Variants in PADI4 observed in about 807,000 individuals in gnomAD.
The protein encoded by PADI4 is peptidyl arginine deiminase 4, also known as protein-arginine deiminase type-4.
PADI4 carries 62 observed loss-of-function variants against 75.0 expected under a neutral mutation model. That is an observed-to-expected ratio of 0.83 (90% CI 0.67 to 1.02). The LOEUF (loss-of-function observed/expected upper bound fraction) is 1.02. Among genes scored for constraint, PADI4 ranks in the 50% least tolerant of loss-of-function variants. The pLI, the probability that PADI4 is intolerant of heterozygous loss-of-function variation, is 0.00. For synonymous variants in PADI4, 361 were observed against 348.1 expected (o/e 1.04, Z -0.41); for missense variants, 845 against 850.5 (o/e 0.99, Z 0.08).
intron 15 of PADI4, 73 bp from the exon 16 acceptor site, chr1:17,363,449 A>G: frequency 9.9e-7 from 1 of 1,005,652 alleles, no homozygotes; most frequent in South Asian, 1.4e-5. Flanking sequence ...AGGTCAGAGA[A>G]GGGTGGGGCC....
Position 17,356,495 on chromosome 1 carries a change from C to T in PADI4, c.1558+36C>T. 1 of 1,248,272 alleles carries T rather than the reference C, an allele frequency of 8.0e-7. No individual in the cohort carries two copies. The highest frequency in any genetic ancestry group is 1.2e-6 in the Non-Finnish European group (1 of 856,168). 77.3% of individuals were successfully genotyped at this position (1,248,272 alleles called of 1,614,324 possible). A position where few individuals can be genotyped will look rare whatever the true frequency, so the allele number is the denominator to read the frequency against. On this transcript the variant is annotated intron_variant, in intron 13 of 15. Coordinates refer to ENST00000375448, the MANE Select transcript of PADI4 (RefSeq NM_012387.3). The surrounding 1 kb of genome is among the most constrained non-coding windows in gnomAD (Gnocchi z 4.1). Reference sequence around the variant, plus strand: ...CCTGCCTTGTTCTCCTGTCTGTGCACCTTCCTGCTTCCCATAGTCCGCTGT... The same window carrying T: ...CCTGCCTTGTTCTCCTGTCTGTGCATCTTCCTGCTTCCCATAGTCCGCTGT...
intron 1 of PADI4, among the ~76,000 whole-genome samples, chr1:17,330,543 GAGCCCCTAGCA>G (rs67564471): frequency 0.55 from 83,634 of 151,638 alleles, 23,286 homozygotes; most frequent in East Asian, 0.59. Flanking sequence ...AAAGGCCCAA[GAGCCCCTAGCA>G]AGCCACTGGA....
intron 6 of PADI4, 142 bp from the exon 7 acceptor site, chr1:17,341,801 A>C: frequency 1.6e-6 from 1 of 623,716 alleles, no homozygotes; most frequent in Non-Finnish European, 2.8e-6. Context: ...TCCTAAGGGG[A>C]CTGGCCAGAT....
In PADI4 at chr1:17,361,398, T is replaced by C. The variant is rs143435459; in HGVS notation, c.1758+1990T>C. 3.7e-3 allele frequency among the ~76,000 whole-genome samples: 558 copies of C among 152,370 alleles called. 2 individuals carry two copies. Among genetic ancestry groups the C allele is most frequent in the Non-Finnish European group, 5.8e-3 (397 of 68,036 alleles). ...CTGAGGGCTGACTGTGTGCCTTCACTGTTCAAGGTCCCCAGAGGGAGTCTG... is the reference window on the plus strand; with the variant it reads ...CTGAGGGCTGACTGTGTGCCTTCACCGTTCAAGGTCCCCAGAGGGAGTCTG... On this transcript the variant is annotated intron_variant, in intron 15 of 15. Coordinates refer to ENST00000375448, the MANE Select transcript of PADI4 (RefSeq NM_012387.3).
chr1:17,324,530 A>G (rs752921069), intron 1 of PADI4, among the ~76,000 whole-genome samples: 7 of 152,126 alleles, frequency 4.6e-5, no homozygotes, highest in Non-Finnish European at 1.0e-4. Flanking sequence ...ACAGGGTCTC[A>G]CTATGTTGCC....
At chr1:17,361,576 T>C (rs1348293807) in intron 15 of PADI4, among the ~76,000 whole-genome samples, 2 of 152,250 alleles carry the variant, frequency 1.3e-5, no homozygotes, top group Non-Finnish European at 2.9e-5. Flanking sequence ...GTGCATCTAC[T>C]GTGTGCCAGC....
chr1:17,353,817 T>G (rs2074711514), intron 10 of PADI4, among the ~76,000 whole-genome samples: 1 of 152,144 alleles, frequency 6.6e-6, no homozygotes, highest in Admixed American at 6.6e-5. Flanking sequence ...AGGCGGCTAT[T>G]AGAAGCTGAA....
At chr1:17,329,928 A>G (rs577999699) in intron 1 of PADI4, among the ~76,000 whole-genome samples, 1 of 152,220 alleles carries the variant, frequency 6.6e-6, no homozygotes, top group South Asian at 2.1e-4. Context: ...ATTCTGGGAG[A>G]TGTACCTTAT....
intron 1 of PADI4, among the ~76,000 whole-genome samples, chr1:17,312,810 C>T (rs946841542): frequency 6.0e-5 from 9 of 150,758 alleles, no homozygotes; most frequent in African/African-American, 2.2e-4. Flanking sequence ...GATCTTAGGG[C>T]TCACAAGGAA....
At chr1:17,345,947 C>T in intron 8 of PADI4, 81 bp from the exon 9 acceptor site, 3 of 899,870 alleles carry the variant, frequency 3.3e-6, no homozygotes, top group Non-Finnish European at 5.4e-6. Flanking sequence ...ACCCCTGAGC[C>T]ACCTGTGTGT....
In PADI4 at chr1:17,342,014, G is replaced by A. The variant is rs41265995; in HGVS notation, c.724G>A (p.Gly242Ser). The change falls in exon 7 of 16, where the codon GGT becomes AGT. Residue 242 changes from glycine (G) to serine (S), a missense_variant. Coordinates refer to ENST00000375448, the MANE Select transcript of PADI4 (RefSeq NM_012387.3). ...KWPSHYLMVPGGKHNMDFYVE... is the reference protein window; with the variant it reads ...KWPSHYLMVPSGKHNMDFYVE... ...GCCCTCTCACTACCTGATGGTCCCC[G>A]GTGGAAAGCACAACATGGACTTCTA... The A allele has an allele frequency of 0.021, 33,229 of 1,613,816 alleles. 421 individuals carry two copies. Among genetic ancestry groups the A allele is most frequent in the Non-Finnish European group, 0.024 (28,171 of 1,179,770 alleles).
chr1:17,350,775 T>C (rs71512933), intron 10 of PADI4, among the ~76,000 whole-genome samples: 7,267 of 130,212 alleles, frequency 0.056, 1,356 homozygotes, highest in African/African-American at 0.1. Flanking sequence ...ACTTGAGATA[T>C]GACAGGGAGC....
chr1:17,333,458 G>A (rs1418534128), intron 2 of PADI4, among the ~76,000 whole-genome samples: 1 of 152,024 alleles, frequency 6.6e-6, no homozygotes, highest in Non-Finnish European at 1.5e-5. Context: ...GTGGATTGGT[G>A]TTTTCTCATC....
intron 1 of PADI4, among the ~76,000 whole-genome samples, chr1:17,309,481 A>T (rs1395578218): frequency 3.3e-5 from 5 of 151,874 alleles, no homozygotes; most frequent in Non-Finnish European, 5.9e-5. Flanking sequence ...CTCTTTGTTC[A>T]GGGCTCAGTC....
chr1:17,347,777 AAGCTCCGCTTCTG>A, intron 9 of PADI4, 151 bp from the exon 10 acceptor site: 1 of 462,218 alleles, frequency 2.2e-6, no homozygotes, highest in Non-Finnish European at 3.9e-6. Context: ...AGGGGGCAAT[AAGCTCCGCTTCTG>A]AGCCCCTTCT....
At chr1:17,344,402 A>G (rs1176110120) in intron 8 of PADI4, among the ~76,000 whole-genome samples, 1 of 152,248 alleles carries the variant, frequency 6.6e-6, no homozygotes, top group East Asian at 1.9e-4. Flanking sequence ...TTCTGAGGAG[A>G]AATTCAAGCC....
intron 8 of PADI4, among the ~76,000 whole-genome samples, chr1:17,344,122 T>G (rs187839772): frequency 6.6e-6 from 1 of 152,308 alleles, no homozygotes; most frequent in East Asian, 1.9e-4. Context: ...CAGATGGAGA[T>G]GAGGAACTTG....
chr1:17,355,071 G>C (rs143866135), intron 11 of PADI4, among the ~76,000 whole-genome samples: 1,792 of 152,334 alleles, frequency 0.012, 22 homozygotes, highest in Middle Eastern at 0.058. Context: ...GGAGGAATAG[G>C]AACTGTTAGG....
At chr1:17,334,150 GA>G in intron 3 of PADI4, 141 bp downstream of exon 3, 1 of 635,700 alleles carries the variant, frequency 1.6e-6, no homozygotes. Context: ...TAGCCAGTCA[GA>G]CATCTGGGAG....
Sources: allele counts gnomAD v4.1 joint callset (sites outside exome capture counted in the v4.1 genomes callset), GRCh38; gene constraint gnomAD v4.1.1; non-coding constraint Gnocchi (gnomAD v3.1); transcripts MANE v1.5; gene names NCBI Gene and HGNC (gene_info 2026-07-23, HGNC 2026-07-21).